The following PCDH15 variants were observed in gnomAD, a reference collection of about 807,000 sequenced individuals.
The protein encoded by PCDH15 is protocadherin-15.
A neutral mutation model predicts 178.5 loss-of-function variants in PCDH15; 129 were observed. That is an observed-to-expected ratio of 0.72 (90% CI 0.63 to 0.84). PCDH15 has a LOEUF of 0.84. Among genes scored for constraint, PCDH15 ranks in the 40% least tolerant of loss-of-function variants. The pLI, the probability that PCDH15 is intolerant of heterozygous loss-of-function variation, is 0.00. For missense variants in PCDH15, 2,230 were observed against 2,099.9 expected, an observed-to-expected ratio of 1.06 and a Z score of -1.21; for synonymous variants, 800 against 732.0, an observed-to-expected ratio of 1.09 and a Z score of -1.50.
intron 2 of PCDH15, among the ~76,000 whole-genome samples, chr10:55,407,190 A>G (rs2132031277): frequency 6.6e-6 from 1 of 152,184 alleles, no homozygotes; most frequent in Middle Eastern, 3.4e-3. Flanking sequence ...AAGGCAACCG[A>G]CGTGCCAAGA....
At chr10:54,837,971 C>T (rs1412227853) in intron 3 of PCDH15, among the ~76,000 whole-genome samples, 2 of 152,074 alleles carry the variant, frequency 1.3e-5, no homozygotes, top group East Asian at 1.9e-4. Flanking sequence ...CTGGCTCCAA[C>T]CCCTTTCAAT....
intron 8 of PCDH15, among the ~76,000 whole-genome samples, chr10:54,283,374 T>C (rs2058822593): frequency 6.6e-6 from 1 of 152,184 alleles, no homozygotes; most frequent in African/African-American, 2.4e-5. Context: ...CCATATTTAC[T>C]AGTGTTTAAA....
intron 3 of PCDH15, among the ~76,000 whole-genome samples, chr10:54,508,203 T>C (rs1565454038): frequency 6.6e-6 from 1 of 152,064 alleles, no homozygotes; most frequent in Non-Finnish European, 1.5e-5. Flanking sequence ...GTAAGTAATT[T>C]TTACTGTATT....
At chr10:55,136,283 G>A (rs1017397661) in intron 2 of PCDH15, among the ~76,000 whole-genome samples, 2 of 151,974 alleles carry the variant, frequency 1.3e-5, no homozygotes, top group South Asian at 2.1e-4. Context: ...CAAATGTTTT[G>A]TTTTCTGTTA....
intron 23 of PCDH15, among the ~76,000 whole-genome samples, chr10:53,945,837 GTATATATA>G (rs56389905): frequency 0.035 from 4,180 of 119,128 alleles, 130 homozygotes; most frequent in East Asian, 0.06. Flanking sequence ...ATATTTCATT[GTATATATA>G]TATATATATA....
At chr10:55,622,854 T>C (rs1378104954) in intron 2 of PCDH15, among the ~76,000 whole-genome samples, 1 of 152,100 alleles carries the variant, frequency 6.6e-6, no homozygotes, top group East Asian at 1.9e-4. Context: ...GACCGAGGCA[T>C]TATGATTTCT....
intron 1 of PCDH15, among the ~76,000 whole-genome samples, chr10:54,703,341 C>A (rs2095332140): frequency 6.6e-6 from 1 of 152,010 alleles, no homozygotes; most frequent in Non-Finnish European, 1.5e-5. Context: ...CCCACTCCTA[C>A]CATTCCTATT....
intron 3 of PCDH15, among the ~76,000 whole-genome samples, chr10:54,853,326 C>CATAT (rs1167637053): frequency 8.2e-6 from 1 of 121,424 alleles, no homozygotes; most frequent in East Asian, 2.3e-4. Flanking sequence ...TATACATACA[C>CATAT]ACACATATAC....
intron 3 of PCDH15, among the ~76,000 whole-genome samples, chr10:54,497,010 C>T (rs578095915): frequency 6.6e-6 from 1 of 152,164 alleles, no homozygotes; most frequent in South Asian, 2.1e-4. Context: ...GGCACTGGAC[C>T]ATAGTGCTTT....
chr10:54,139,393 A>G (rs2043183582), intron 14 of PCDH15, among the ~76,000 whole-genome samples: 1 of 152,200 alleles, frequency 6.6e-6, no homozygotes, highest in South Asian at 2.1e-4. Flanking sequence ...AAACTATTAA[A>G]ATGAAATAAT....
chr10:54,012,560 C>T (rs1275263783), intron 20 of PCDH15, among the ~76,000 whole-genome samples: 3 of 151,920 alleles, frequency 2.0e-5, no homozygotes, highest in Non-Finnish European at 4.4e-5. Context: ...GAGCAGGAAA[C>T]CTACAAAGAG....
chr10:53,809,447 G>A lies in PCDH15; in HGVS notation c.4671+1109C>T, dbSNP rs145418788. ...GCTCTCTTCCATGTTGTGTATGTAG[G>A]CTCAGCTGCTGGTGGTTTTTCGATA... On this transcript the variant is annotated intron_variant, in intron 37 of 37. Coordinates refer to ENST00000644397, the MANE Select transcript of PCDH15 (RefSeq NM_001384140.1). 3.1e-4 allele frequency: 508 copies of A among 1,613,888 alleles called. 1 individual carries two copies. The African/African-American group carries it at 6.3e-3, about 20-fold the overall frequency.
rs146451600 is a variant in PCDH15, at chr10:54,022,441, A to G, written c.2526+451T>C. Among the ~76,000 whole-genome samples the G allele has an allele frequency of 4.7e-5, 7 of 147,990 alleles. No individual in the cohort carries two copies. The East Asian group carries it at 1.2e-3, about 25-fold the overall frequency. On this transcript the variant is annotated intron_variant, in intron 19 of 37. Coordinates refer to ENST00000644397, the MANE Select transcript of PCDH15 (RefSeq NM_001384140.1). The stretch of plus-strand genomic sequence containing the variant: ...TTCTGTGTGTACACATTTATGTTAT[A>G]TATGTATAACCCACACAAATTCATA...
At chr10:55,011,748 T>C (rs1020190734) in intron 2 of PCDH15, among the ~76,000 whole-genome samples, 1 of 151,680 alleles carries the variant, frequency 6.6e-6, no homozygotes, top group Non-Finnish European at 1.5e-5. Context: ...AAAGACAGAA[T>C]GCAATTTCAA....
At chr10:55,529,151 CA>C (rs1336569665) in intron 2 of PCDH15, among the ~76,000 whole-genome samples, 3 of 152,020 alleles carry the variant, frequency 2.0e-5, no homozygotes, top group African/African-American at 7.2e-5. Flanking sequence ...GAGTAGATTG[CA>C]AAAATTTTCT....
rs1252436513 is a variant in PCDH15, at chr10:54,514,682, AAC to A, written c.157+13128_157+13129del. ...AAATAGACTTCAAAAAAAAAAAAAA[AAC>A]AGTTTTAACTGAAACAAATCTATTC... On this transcript the variant is annotated intron_variant, in intron 3 of 37. Coordinates refer to ENST00000644397, the MANE Select transcript of PCDH15 (RefSeq NM_001384140.1). Among the ~76,000 whole-genome samples, 8 of 151,132 alleles carry A rather than the reference AAC, an allele frequency of 5.3e-5. No individual in the cohort carries two copies. The East Asian group carries it at 1.4e-3, about 26-fold the overall frequency.
chr10:53,960,320 G>T (rs932878503), intron 22 of PCDH15, among the ~76,000 whole-genome samples: 4 of 152,094 alleles, frequency 2.6e-5, no homozygotes, highest in Non-Finnish European at 5.9e-5. Context: ...TTGTTTTTGA[G>T]ATTATAGGGC....
chr10:53,865,646 T>C (rs2079397146), intron 27 of PCDH15, among the ~76,000 whole-genome samples: 1 of 152,196 alleles, frequency 6.6e-6, no homozygotes, highest in Non-Finnish European at 1.5e-5. Flanking sequence ...TGGCCTTCAT[T>C]TACTCTATTG....
At chr10:55,462,476 C>T (rs552496480) in intron 2 of PCDH15, among the ~76,000 whole-genome samples, 1 of 152,198 alleles carries the variant, frequency 6.6e-6, no homozygotes, top group East Asian at 1.9e-4. Flanking sequence ...ATAACTTCTT[C>T]TGAGTATGGC....
Sources: allele counts gnomAD v4.1 joint callset (sites outside exome capture counted in the v4.1 genomes callset), GRCh38; gene constraint gnomAD v4.1.1; transcripts MANE v1.5; gene names NCBI Gene and HGNC (gene_info 2026-07-23, HGNC 2026-07-21).